The following ZNF317 variants were observed in gnomAD, a reference collection of about 807,000 sequenced individuals.
ZNF317 encodes zinc finger protein 317.
ZNF317 carries 17 observed loss-of-function variants against 23.4 expected under a neutral mutation model. That is an observed-to-expected ratio of 0.73 (90% CI 0.50 to 1.09). The LOEUF (loss-of-function observed/expected upper bound fraction) is 1.09. Ranked by LOEUF, ZNF317 falls within the 50% of genes least tolerant of loss-of-function variation. The pLI is 0.00. For synonymous variants in ZNF317, 317 were observed against 314.9 expected (o/e 1.01, Z -0.07); for missense variants, 679 against 796.7 (o/e 0.85, Z 1.78).
chr19:9,144,511 T>G (rs2050666134), intron 1 of ZNF317, among the ~76,000 whole-genome samples: 1 of 152,214 alleles, frequency 6.6e-6, no homozygotes, highest in Non-Finnish European at 1.5e-5. Context: ...CTGTACATTT[T>G]GAATTTATTT....
chr19:9,140,657 C>G, intron 1 of ZNF317, 65 bp downstream of exon 1: 1 of 448,586 alleles, frequency 2.2e-6, no homozygotes, highest in South Asian at 1.6e-5. Flanking sequence ...GCCTATCTGG[C>G]GGTGAGGACT....
intron 6 of ZNF317, among the ~76,000 whole-genome samples, 193 bp downstream of exon 6, chr19:9,159,101 T>C (rs1424848394): frequency 6.6e-6 from 1 of 152,240 alleles, no homozygotes; most frequent in African/African-American, 2.4e-5. Flanking sequence ...CTAGAGTGTC[T>C]CTGAGTGAAG....
At chr19:9,157,451 A>G (rs760505809) in intron 4 of ZNF317, 57 bp downstream of exon 4, 2 of 1,605,854 alleles carry the variant, frequency 1.2e-6, no homozygotes, top group Non-Finnish European at 1.7e-6. Context: ...TTTTTGTTTG[A>G]GTATGTTCTG....
In ZNF317 at chr19:9,161,396, A is replaced by C. The variant is rs1451545512; in HGVS notation, c.1751A>C (p.Lys584Thr). 1 of 1,613,934 alleles carries C rather than the reference A, an allele frequency of 6.2e-7. No individual in the cohort carries two copies. ...CACGTGAAAACTCACCGGGGAGAGA[A>C]GCTCTTTGTGTCATCCGTGTGGAAA... Reference protein sequence around the residue: ...RSHVKTHRGEKLFVSSVWKRL... With the variant: ...RSHVKTHRGETLFVSSVWKRL... The change falls in exon 7 of 7, where the codon AAG becomes ACG. Residue 584 changes from lysine (K) to threonine (T), a missense_variant. Transcript: ENST00000247956. This position sits in a 1 kb window ranked among gnomAD's most constrained non-coding sequence, Gnocchi z 4.0.
intron 1 of ZNF317, among the ~76,000 whole-genome samples, chr19:9,143,880 G>T (rs2145938536): frequency 1.4e-5 from 2 of 139,654 alleles, no homozygotes; most frequent in Admixed American, 7.1e-5. Context: ...GAGCCTTTTT[G>T]CCTTAATCTA....
In ZNF317 at chr19:9,156,948, A is replaced by G. The variant is rs1046590706; in HGVS notation, c.162+200A>G. 6.9e-6 allele frequency: 5 copies of G among 719,998 alleles called. No individual in the cohort carries two copies. The African/African-American group carries it at 7.1e-5, about 10-fold the overall frequency. The allele number at this position is 719,998 out of a possible 1,614,324, so 44.6% of individuals were successfully genotyped here. A position where few individuals can be genotyped will look rare whatever the true frequency, so the allele number is the denominator to read the frequency against. ...GATTTATGTAGCATCTGTTTCCCTC[A>G]TGCTTGCAAAATCTCAGGCCCTTGC... is the stretch of plus-strand genomic sequence containing the variant. On this transcript the variant is annotated intron_variant, in intron 3 of 6. Coordinates refer to ENST00000247956, the MANE Select transcript of ZNF317 (RefSeq NM_020933.5).
chr19:9,154,877 G>A (rs2050769059), intron 1 of ZNF317, among the ~76,000 whole-genome samples: 1 of 152,282 alleles, frequency 6.6e-6, no homozygotes, highest in African/African-American at 2.4e-5. Context: ...GCAGCATTTA[G>A]TATTGGTAGT....
chr19:9,146,092 T>TA (rs2050680592), intron 1 of ZNF317, among the ~76,000 whole-genome samples: 1 of 152,078 alleles, frequency 6.6e-6, no homozygotes, highest in Non-Finnish European at 1.5e-5. Context: ...GTAATTGCCC[T>TA]TTAGAAATCA....
At chr19:9,156,456 A>C (rs1237032286) in intron 2 of ZNF317, among the ~76,000 whole-genome samples, 156 bp from the exon 3 acceptor site, 2 of 152,054 alleles carry the variant, frequency 1.3e-5, no homozygotes, top group African/African-American at 4.8e-5. Context: ...CTTGTTATGA[A>C]ACTGATGTGT....
intron 1 of ZNF317, among the ~76,000 whole-genome samples, chr19:9,141,329 A>G (rs2050627767): frequency 6.6e-6 from 1 of 152,222 alleles, no homozygotes; most frequent in Non-Finnish European, 1.5e-5. Context: ...AAGCGAATTT[A>G]CAAACCAGGC....
rs2050844532 is a variant in ZNF317 at position 9,160,862 on chromosome 19, G to A, written c.1217G>A (p.Arg406Lys). 6.2e-7 allele frequency: 1 copy of A among 1,614,094 alleles called. No individual in the cohort carries two copies. Among genetic ancestry groups the A allele is most frequent in the East Asian group, 2.2e-5 (1 of 44,856 alleles). The change falls in exon 7 of 7, where the codon AGG (arginine) becomes AAG (lysine). Residue 406 changes from arginine to lysine, a missense_variant. Transcript: ENST00000247956. The surrounding 1 kb of genome is among the most constrained non-coding windows in gnomAD (Gnocchi z 6.8). ...GKSFGDLVSR[R>K]KHMRIHIVKK... ...TCCTTTGGCGATCTCGTGTCCCGGA[G>A]GAAACACATGAGGATTCACATCGTC... is the stretch of plus-strand genomic sequence containing the variant.
At position 9,160,107 on chromosome 19, in the gene ZNF317, C is replaced by A. The variant is rs1031433182; in HGVS notation, c.469-7C>A. The A allele has an allele frequency of 6.2e-7, 1 of 1,613,402 alleles. No individual in the cohort carries two copies. The highest frequency in any genetic ancestry group is 1.3e-5 in the African/African-American group (1 of 74,904). The stretch of plus-strand genomic sequence containing the variant: ...GCCTTTGTCAGCACTTACGTCTTAA[C>A]CAACAGGAAAGAGCCGGTCTTGGAG... On this transcript the variant is annotated splice_region_variant and splice_polypyrimidine_tract_variant and intron_variant, in intron 6 of 6. Transcript: ENST00000247956. This position sits in a 1 kb window ranked among gnomAD's most constrained non-coding sequence, Gnocchi z 6.8.
rs150258715 is a variant in ZNF317, at chr19:9,157,146, G to A, written c.163-122G>A. 207 of 1,254,776 alleles carry A rather than the reference G, an allele frequency of 1.6e-4. 1 individual carries two copies. The highest frequency in any genetic ancestry group is 8.6e-4 in the South Asian group (60 of 69,750). The allele number at this position is 1,254,776 out of a possible 1,614,324, so 77.7% of individuals were successfully genotyped here. A position where few individuals can be genotyped will look rare whatever the true frequency, so the allele number is the denominator to read the frequency against. The stretch of plus-strand genomic sequence containing the variant: ...ATGCCTGGAGGAAATGTTGAGCCCC[G>A]TAGCAGGCCATCTGGAAATCCTGTG... On this transcript the variant is annotated intron_variant, in intron 3 of 6. Transcript: ENST00000247956.
At chr19:9,141,931 G>C (rs62103614) in intron 1 of ZNF317, among the ~76,000 whole-genome samples, 18,607 of 151,910 alleles carry the variant, frequency 0.12, 1,155 homozygotes, top group Non-Finnish European at 0.15. Context: ...TCAGCCTCCC[G>C]AGTAGCTGGG....
Position 9,161,016 on chromosome 19 carries a change from G to T in ZNF317, c.1371G>T (p.Ala457=). Residue 457 remains alanine, a synonymous_variant, in exon 7 of 7, where the codon GCG becomes GCT. Coordinates refer to ENST00000247956, the MANE Select transcript of ZNF317 (RefSeq NM_020933.5). The surrounding 1 kb of genome is among the most constrained non-coding windows in gnomAD (Gnocchi z 4.0). ...ATCTCTGCGGGAAAGCTTTCAGCGCGAGTTCAAACCTCACCGCACACAGGA... is the reference window on the plus strand; with the variant it reads ...ATCTCTGCGGGAAAGCTTTCAGCGCTAGTTCAAACCTCACCGCACACAGGA... ...GCDLCGKAFS[A]SSNLTAHRKI... is the part of the protein sequence containing the mutation. 2 of 1,613,948 alleles carry T rather than the reference G, an allele frequency of 1.2e-6. No homozygotes were observed. Among genetic ancestry groups the T allele is most frequent in the East Asian group, 2.2e-5 (1 of 44,840 alleles).
chr19:9,154,652 G>T (rs935941460), intron 1 of ZNF317, among the ~76,000 whole-genome samples: 2 of 152,096 alleles, frequency 1.3e-5, no homozygotes, highest in African/African-American at 4.8e-5. Context: ...ACAGTATTTG[G>T]CTATTAGGAA....
chr19:9,141,931 G>A (rs62103614), intron 1 of ZNF317, among the ~76,000 whole-genome samples: 1 of 151,808 alleles, frequency 6.6e-6, no homozygotes, highest in South Asian at 2.1e-4. Flanking sequence ...TCAGCCTCCC[G>A]AGTAGCTGGG....
chr19:9,153,478 A>G (rs1385223479), intron 1 of ZNF317, among the ~76,000 whole-genome samples: 1 of 152,154 alleles, frequency 6.6e-6, no homozygotes, highest in Admixed American at 6.6e-5. Flanking sequence ...TGGTTTTTGT[A>G]TGAGATGTCT....
At position 9,160,060 on chromosome 19, in the gene ZNF317, G is replaced by A. The variant is rs937241477; in HGVS notation, c.469-54G>A. ...CAGTGTATGTGGGGATGACGCTTAG[G>A]GTTGCAATGAATATGAGAATTGCCT... is the stretch of plus-strand genomic sequence containing the variant. On this transcript the variant is annotated intron_variant, in intron 6 of 6. Coordinates refer to ENST00000247956, the MANE Select transcript of ZNF317 (RefSeq NM_020933.5). This position sits in a 1 kb window ranked among gnomAD's most constrained non-coding sequence, Gnocchi z 6.8. The A allele has an allele frequency of 3.7e-6, 6 of 1,605,354 alleles. No homozygotes were observed. In the African/African-American group the frequency reaches 6.7e-5, roughly 18 times the overall value.
Sources: gnomAD v4.1 joint callset for allele counts (sites outside exome capture counted in the v4.1 genomes callset) on GRCh38, gnomAD v4.1.1 for gene constraint, Gnocchi (gnomAD v3.1) non-coding constraint, MANE v1.5 for transcripts, NCBI Gene and HGNC (gene_info 2026-07-23, HGNC 2026-07-21) for gene names.